Variants in MKLN1 observed in about 807,000 individuals in gnomAD.
MKLN1 encodes muskelin.
A neutral mutation model predicts 99.0 loss-of-function variants in MKLN1; 18 were observed. The ratio of observed to expected loss-of-function variants is 0.18; its 90% confidence interval spans 0.13 to 0.27. MKLN1 has a LOEUF of 0.27. Among genes scored for constraint, MKLN1 ranks in the 10% least tolerant of loss-of-function variants. The pLI is 1.00. For synonymous variants in MKLN1, 288 were observed against 293.2 expected, an observed-to-expected ratio of 0.98 and a Z score of 0.18; for missense variants, 621 against 875.9, an observed-to-expected ratio of 0.71 and a Z score of 3.67.
rs1563226339 is a variant in MKLN1 at position 131,133,345 on chromosome 7, CT to C, written c.-418-9472del. Among the ~76,000 whole-genome samples the C allele has an allele frequency of 5.4e-4, 71 of 130,478 alleles. 1 individual carries two copies. The highest frequency in any genetic ancestry group is 2.0e-3 in the African/African-American group (69 of 34,752). The allele number at this position is 130,478 out of a possible 152,430, so 85.6% of individuals were successfully genotyped here. The stretch of plus-strand genomic sequence containing the variant: ...TTTAATTTTAATTTTTTTTTTCTTT[CT>C]TTCTTTCTTTTTTTTTTTTTTTTTT... On this transcript the variant is annotated intron_variant, in intron 1 of 7. Transcript: ENST00000416992.
At chr7:131,298,079 C>T (rs1798320857) in intron 3 of MKLN1, among the ~76,000 whole-genome samples, 2 of 151,030 alleles carry the variant, frequency 1.3e-5, no homozygotes, top group Middle Eastern at 6.8e-3. Flanking sequence ...GTCAGGAGAT[C>T]GAGACCACGG....
intron 6 of MKLN1, among the ~76,000 whole-genome samples, chr7:131,410,093 T>G (rs1475973428): frequency 6.6e-6 from 1 of 152,148 alleles, no homozygotes; most frequent in African/African-American, 2.4e-5. Flanking sequence ...TAATCTTTGT[T>G]GAGGGCCATG....
At chr7:131,323,378 G>A (rs966897201), upstream of MKLN1, 5 of 152,138 alleles carry the variant, frequency 3.3e-5, no homozygotes, top group Non-Finnish European at 2.9e-5. Context: ...TTGAATGAAG[G>A]TGACTTTTTC....
intron 2 of MKLN1, among the ~76,000 whole-genome samples, chr7:131,161,961 GTGTATA>G (rs1385249942): frequency 0.032 from 2,582 of 81,002 alleles, 41 homozygotes; most frequent in South Asian, 0.066. Context: ...GTGTGTGTGT[GTGTATA>G]TATATATATA....
At chr7:131,312,809 GAAGT>G (rs1798590415) in intron 3 of MKLN1, among the ~76,000 whole-genome samples, 1 of 152,140 alleles carries the variant, frequency 6.6e-6, no homozygotes, top group Non-Finnish European at 1.5e-5. Context: ...AAAAACCTAA[GAAGT>G]AAGCAACTTT....
At chr7:131,243,329 A>G (rs983397848) in intron 3 of MKLN1, among the ~76,000 whole-genome samples, 1 of 152,152 alleles carries the variant, frequency 6.6e-6, no homozygotes, top group African/African-American at 2.4e-5. Context: ...TCGGGAGACA[A>G]TCATGTCATT....
At position 131,496,122 on chromosome 7, in the gene MKLN1, G is replaced by A. The variant is rs1006358390; in HGVS notation, c.*8394G>A. The A allele has an allele frequency of 6.6e-6, 1 of 152,082 alleles. No individual in the cohort carries two copies. The highest frequency in any genetic ancestry group is 1.5e-5 in the Non-Finnish European group (1 of 68,036). The allele number at this position is 152,082 out of a possible 1,614,324, so 9.4% of individuals were successfully genotyped here. On this transcript the variant is annotated 3_prime_UTR_variant, in exon 18 of 18. Coordinates refer to ENST00000352689, the MANE Select transcript of MKLN1 (RefSeq NM_013255.5). The stretch of plus-strand genomic sequence containing the variant: ...TGAGATTCACACATTTTGCACCTCA[G>A]TAGTATTTCAGATGAGACTCAATGT...
chr7:131,381,519 A>G (rs1334888889), intron 2 of MKLN1, among the ~76,000 whole-genome samples: 2 of 152,198 alleles, frequency 1.3e-5, no homozygotes, highest in Non-Finnish European at 2.9e-5. Context: ...TTTTGTTTAT[A>G]CAAATTACAA....
intron 2 of MKLN1, among the ~76,000 whole-genome samples, chr7:131,152,092 G>A (rs1467655283): frequency 6.6e-6 from 1 of 152,114 alleles, no homozygotes; most frequent in Non-Finnish European, 1.5e-5. Flanking sequence ...AGAGGCTGGG[G>A]CAGGAGGATC....
chr7:131,437,219 C>T (rs1211548441), intron 9 of MKLN1, among the ~76,000 whole-genome samples: 1 of 151,988 alleles, frequency 6.6e-6, no homozygotes, highest in African/African-American at 2.4e-5. Context: ...TGCTATCCCT[C>T]CCCCTGACCC....
At chr7:131,319,895 G>A (rs1474860141) in intron 3 of MKLN1, among the ~76,000 whole-genome samples, 1 of 152,118 alleles carries the variant, frequency 6.6e-6, no homozygotes, top group African/African-American at 2.4e-5. Flanking sequence ...ATCTTTTCAA[G>A]GAGAACTACA....
At position 131,160,711 on chromosome 7, in the gene MKLN1, G is replaced by A. The variant is rs113226041; in HGVS notation, c.-297+17770G>A. ...TTTTTTTTTTTTTTTGGCATTTTTTGTAGAGACAGGGTTTCACCAGGTTGA... is the reference window on the plus strand; with the variant it reads ...TTTTTTTTTTTTTTTGGCATTTTTTATAGAGACAGGGTTTCACCAGGTTGA... On this transcript the variant is annotated intron_variant, in intron 2 of 7. Transcript: ENST00000416992. 7.4e-4 allele frequency among the ~76,000 whole-genome samples: 56 copies of A among 75,514 alleles called. 2 individuals are homozygous for A. Among genetic ancestry groups the A allele is most frequent in the African/African-American group, 2.3e-3 (48 of 20,568 alleles). 49.5% of individuals were successfully genotyped at this position (75,514 alleles called of 152,430 possible).
intron 2 of MKLN1, among the ~76,000 whole-genome samples, chr7:131,188,882 G>A (rs1796491691): frequency 6.6e-6 from 1 of 152,182 alleles, no homozygotes; most frequent in Non-Finnish European, 1.5e-5. Flanking sequence ...AGTCTATTCA[G>A]CCCCACCCAC....
chr7:131,363,224 A>G (rs1423193430), intron 1 of MKLN1, among the ~76,000 whole-genome samples: 1 of 151,544 alleles, frequency 6.6e-6, no homozygotes, highest in Non-Finnish European at 1.5e-5. Context: ...TTTTAATTGC[A>G]CTTTTGAGAT....
chr7:131,448,319 T>A (rs996604319), intron 12 of MKLN1, among the ~76,000 whole-genome samples: 6 of 152,228 alleles, frequency 3.9e-5, no homozygotes, highest in African/African-American at 7.2e-5. Context: ...TGACTGTCAT[T>A]CAAAACAATT....
intron 1 of MKLN1, among the ~76,000 whole-genome samples, chr7:131,345,774 G>T (rs937395109): frequency 6.6e-6 from 1 of 152,060 alleles, no homozygotes; most frequent in Admixed American, 6.6e-5. Context: ...TTCTAGCAGT[G>T]ATATTTATTC....
At chr7:131,177,012 C>T (rs984813636) in intron 2 of MKLN1, among the ~76,000 whole-genome samples, 10 of 152,182 alleles carry the variant, frequency 6.6e-5, no homozygotes, top group Non-Finnish European at 1.3e-4. Context: ...CTATGATGAT[C>T]TCCACTTTCC....
At chr7:131,443,987 C>G (rs565418691) in intron 11 of MKLN1, among the ~76,000 whole-genome samples, 9 of 152,264 alleles carry the variant, frequency 5.9e-5, no homozygotes, top group African/African-American at 1.7e-4. Context: ...TTTCCACTTA[C>G]GTCTCTTAGT....
chr7:131,223,869 C>T (rs1478709812), intron 3 of MKLN1, among the ~76,000 whole-genome samples: 3 of 152,004 alleles, frequency 2.0e-5, no homozygotes, highest in Admixed American at 6.6e-5. Flanking sequence ...TGGGTTCAAG[C>T]GATTCTCCTG....
Sources: allele counts gnomAD v4.1 joint callset (sites outside exome capture counted in the v4.1 genomes callset), GRCh38; gene constraint gnomAD v4.1.1; transcripts MANE v1.5; gene names NCBI Gene and HGNC (gene_info 2026-07-23, HGNC 2026-07-21).